The following FAM120AOS variants were observed in gnomAD, a reference collection of about 807,000 sequenced individuals.
FAM120AOS encodes the protein family with sequence similarity 120 member A opposite strand, also known as uncharacterized protein FAM120AOS.
In FAM120AOS, 15 loss-of-function variants were observed where a neutral mutation model predicts 20.2. The ratio of observed to expected loss-of-function variants is 0.74; its 90% CI spans 0.50 to 1.15. FAM120AOS has a LOEUF of 1.15. Among genes scored for constraint, FAM120AOS ranks in the 50% most tolerant of loss-of-function variants. The pLI is 0.00. For synonymous variants in FAM120AOS, 154 were observed against 154.0 expected, an observed-to-expected ratio of 1.00 and a Z score of 0.00; for missense variants, 327 against 351.9, an observed-to-expected ratio of 0.93 and a Z score of 0.57.
rs941132669 is a variant in FAM120AOS at position 93,444,742 on chromosome 9, G to A, written c.*2869C>T. Among the ~76,000 whole-genome samples the A allele has an allele frequency of 6.6e-6, 1 of 151,882 alleles. No individual in the cohort carries two copies. The highest frequency in any genetic ancestry group is 2.4e-5 in the African/African-American group (1 of 41,328). On this transcript the variant is annotated 3_prime_UTR_variant, in exon 3 of 3. Transcript: ENST00000375412. The stretch of plus-strand genomic sequence containing the variant: ...GGATTCTTCTGCCTCAGCCTCCCTA[G>A]TAGCTGGGATTACAGGCATGTGCCA...
In FAM120AOS at chr9:93,452,006, C is replaced by A; in HGVS notation, c.563+141G>T. 6.4e-7 allele frequency: 1 copy of A among 1,554,280 alleles called. No individual in the cohort carries two copies. Among genetic ancestry groups the A allele is most frequent in the South Asian group, 1.2e-5 (1 of 85,148 alleles). On this transcript the variant is annotated intron_variant, in intron 1 of 2. Transcript: ENST00000375412. This position sits in a 1 kb window ranked among gnomAD's most constrained non-coding sequence, Gnocchi z 7.0. ...GCTGCAGAAGCTGGCCCGGGGCAGC[C>A]TGGTGGGCGGCGGGCGGCAGCGGCC...
rs1378420777 is a variant in FAM120AOS at position 93,446,466 on chromosome 9, T to A, written c.*1145A>T. ...TAAAATGGCTTTATACTTACGGGAA[T>A]TCCTAATTAAAAAAAAAACTCACTT... is the stretch of plus-strand genomic sequence containing the variant. On this transcript the variant is annotated 3_prime_UTR_variant, in exon 3 of 3. Coordinates refer to ENST00000375412, the MANE Select transcript of FAM120AOS (RefSeq NM_198841.4). 6.6e-6 allele frequency: 1 copy of A among 151,984 alleles called. No homozygotes were observed. Among genetic ancestry groups the A allele is most frequent in the Non-Finnish European group, 1.5e-5 (1 of 68,014 alleles). 9.4% of individuals were successfully genotyped at this position (151,984 alleles called of 1,614,324 possible).
rs1241175272 is a variant in FAM120AOS at position 93,444,051 on chromosome 9, G to GT, written c.*3559dup. On this transcript the variant is annotated 3_prime_UTR_variant, in exon 3 of 3. Coordinates refer to ENST00000375412, the MANE Select transcript of FAM120AOS (RefSeq NM_198841.4). ...AATTTTTTTGTTTGTTTTTGTTTTT[G>GT]TTTTTTGAGACGGAGTTTTGCTCTT... 6.6e-5 allele frequency among the ~76,000 whole-genome samples: 10 copies of GT among 150,970 alleles called. No homozygotes were observed. Among genetic ancestry groups the GT allele is most frequent in the Admixed American group, 5.9e-4 (9 of 15,180 alleles).
At chr9:93,451,393 G>A in intron 1 of FAM120AOS, 7 of 1,389,326 alleles carry the variant, frequency 5.0e-6, no homozygotes, top group Non-Finnish European at 5.6e-6. Flanking sequence ...CTCTGGCCCT[G>A]CCGGGAACAG....
chr9:93,453,170 A>T lies in FAM120AOS; in HGVS notation c.-461T>A. The stretch of plus-strand genomic sequence containing the variant: ...GTCGCTCAAAATCAGGGGGCGAACT[A>T]CGCGGGCGTGAACTCGCAGGATTTA... On this transcript the variant is annotated 5_prime_UTR_variant, in exon 1 of 3. Coordinates refer to ENST00000375412, the MANE Select transcript of FAM120AOS (RefSeq NM_198841.4). 3.0e-6 allele frequency: 3 copies of T among 1,001,860 alleles called. No individual in the cohort carries two copies. The highest frequency in any genetic ancestry group is 3.6e-6 in the Non-Finnish European group (3 of 841,112). 62.1% of individuals were successfully genotyped at this position (1,001,860 alleles called of 1,614,324 possible).
chr9:93,449,436 C>T (rs1055320902), intron 2 of FAM120AOS, among the ~76,000 whole-genome samples: 6 of 149,840 alleles, frequency 4.0e-5, no homozygotes, highest in Non-Finnish European at 8.9e-5. Context: ...TAGACCTCTA[C>T]AATATAATAA....
At position 93,445,583 on chromosome 9, in the gene FAM120AOS, GTT is replaced by G. The variant is rs71364380; in HGVS notation, c.*2026_*2027del. Among the ~76,000 whole-genome samples the G allele has an allele frequency of 2.2e-4, 18 of 80,094 alleles. No individual in the cohort carries two copies. Among genetic ancestry groups the G allele is most frequent in the South Asian group, 1.4e-3 (3 of 2,124 alleles). The allele number at this position is 80,094 out of a possible 152,430, so 52.5% of individuals were successfully genotyped here. A position where few individuals can be genotyped will look rare whatever the true frequency, so the allele number is the denominator to read the frequency against. On this transcript the variant is annotated 3_prime_UTR_variant, in exon 3 of 3. Transcript: ENST00000375412. Reference sequence around the variant, plus strand: ...TTCTCCAACTTTCATAAAAATCGTTGTTTTTTTTTTTTTTTTTTTTTTTTGAG... The same window carrying G: ...TTCTCCAACTTTCATAAAAATCGTTGTTTTTTTTTTTTTTTTTTTTTTGAG...
In FAM120AOS at chr9:93,453,356, G is replaced by A. The variant is rs1350758446; in HGVS notation, c.-647C>T. 1 of 985,578 alleles carries A rather than the reference G, an allele frequency of 1.0e-6. No individual in the cohort carries two copies. The highest frequency in any genetic ancestry group is 1.2e-6 in the Non-Finnish European group (1 of 830,006). 61.1% of individuals were successfully genotyped at this position (985,578 alleles called of 1,614,324 possible). A position where few individuals can be genotyped will look rare whatever the true frequency, so the allele number is the denominator to read the frequency against. On this transcript the variant is annotated 5_prime_UTR_variant, in exon 1 of 3. Transcript: ENST00000375412. ...TTCAGGACCCAGCAGTGACTGTGAAGATAAGCACATCCATGATCCTGGACT... is the reference window on the plus strand; with the variant it reads ...TTCAGGACCCAGCAGTGACTGTGAAAATAAGCACATCCATGATCCTGGACT...
Position 93,443,452 on chromosome 9 carries a change from C to T in FAM120AOS, c.*4159G>A, listed in dbSNP as rs1479501031. On this transcript the variant is annotated 3_prime_UTR_variant, in exon 3 of 3. Coordinates refer to ENST00000375412, the MANE Select transcript of FAM120AOS (RefSeq NM_198841.4). ...AATTTTACCCATTAATGATTATGAA[C>T]AGCACATGGCAGTTTCAGGTTGGAA... is the stretch of plus-strand genomic sequence containing the variant. 6.6e-6 allele frequency among the ~76,000 whole-genome samples: 1 copy of T among 152,216 alleles called. No individual in the cohort carries two copies. The highest frequency in any genetic ancestry group is 2.4e-5 in the African/African-American group (1 of 41,458).
intron 1 of FAM120AOS, chr9:93,451,838 C>T (rs1356101983): frequency 1.0e-6 from 1 of 966,664 alleles, no homozygotes; most frequent in African/African-American, 1.8e-5. Flanking sequence ...CCCGCCAGCC[C>T]GCCCGCGCGC....
rs1209114768 is a variant in FAM120AOS at position 93,445,260 on chromosome 9, A to G, written c.*2351T>C. Reference sequence around the variant, plus strand: ...CTCAGGTTTCTTTCTCAGAAATTGTATATATTCATCCCTGAAAGGTCTGAG... The same window carrying G: ...CTCAGGTTTCTTTCTCAGAAATTGTGTATATTCATCCCTGAAAGGTCTGAG... On this transcript the variant is annotated 3_prime_UTR_variant, in exon 3 of 3. Coordinates refer to ENST00000375412, the MANE Select transcript of FAM120AOS (RefSeq NM_198841.4). Among the ~76,000 whole-genome samples, 1 of 151,668 alleles carries G rather than the reference A, an allele frequency of 6.6e-6. No homozygotes were observed. The highest frequency in any genetic ancestry group is 1.9e-4 in the East Asian group (1 of 5,190).
In FAM120AOS at chr9:93,453,028, T is replaced by C; in HGVS notation, c.-319A>G. ...AGAATCTTTCTATGGCTTTTTGTGT[T>C]AGATTTCAAAGACCCGTGCACTTTG... On this transcript the variant is annotated 5_prime_UTR_variant, in exon 1 of 3. Coordinates refer to ENST00000375412, the MANE Select transcript of FAM120AOS (RefSeq NM_198841.4). 1 of 1,161,550 alleles carries C rather than the reference T, an allele frequency of 8.6e-7. No individual in the cohort carries two copies. Among genetic ancestry groups the C allele is most frequent in the Non-Finnish European group, 1.1e-6 (1 of 939,928 alleles). The allele number at this position is 1,161,550 out of a possible 1,614,324, so 72.0% of individuals were successfully genotyped here. A position where few individuals can be genotyped will look rare whatever the true frequency, so the allele number is the denominator to read the frequency against.
At chr9:93,449,733 G>C (rs947812147) in intron 2 of FAM120AOS, among the ~76,000 whole-genome samples, 2 of 151,886 alleles carry the variant, frequency 1.3e-5, no homozygotes, top group African/African-American at 4.8e-5. Flanking sequence ...TGATCTGCCC[G>C]CCTCGGCCTC....
chr9:93,451,375 G>A, intron 1 of FAM120AOS: 4 of 1,413,498 alleles, frequency 2.8e-6, no homozygotes, highest in Non-Finnish European at 3.7e-6. Flanking sequence ...GGGCGGAGGC[G>A]GCGGCCTCTC....
Position 93,445,174 on chromosome 9 carries a change from C to CCAAA in FAM120AOS, c.*2433_*2436dup, listed in dbSNP as rs1326904974. Among the ~76,000 whole-genome samples the CCAAA allele has an allele frequency of 6.6e-6, 1 of 151,980 alleles. No homozygotes were observed. Among genetic ancestry groups the CCAAA allele is most frequent in the Non-Finnish European group, 1.5e-5 (1 of 68,002 alleles). Reference sequence around the variant, plus strand: ...CTAGGACAGGGTACAGTAAGTCTTACCAAACATGTAAGACATGTTATTTGG... The same window carrying CCAAA: ...CTAGGACAGGGTACAGTAAGTCTTACCAAACAAACATGTAAGACATGTTATTTGG... On this transcript the variant is annotated 3_prime_UTR_variant, in exon 3 of 3. Coordinates refer to ENST00000375412, the MANE Select transcript of FAM120AOS (RefSeq NM_198841.4).
At chr9:93,451,864 C>G in intron 1 of FAM120AOS, 1 of 1,062,104 alleles carries the variant, frequency 9.4e-7, no homozygotes, top group Non-Finnish European at 1.1e-6. Flanking sequence ...CCCCACCACC[C>G]CCGGCCCCGC....
intron 1 of FAM120AOS, chr9:93,451,693 C>T: frequency 1.0e-6 from 1 of 985,084 alleles, no homozygotes; most frequent in Non-Finnish European, 1.2e-6. Flanking sequence ...GCCTCGGCCT[C>T]GCAGCGGCGG....
chr9:93,446,597 A>AAT lies in FAM120AOS; in HGVS notation c.*1012_*1013dup, dbSNP rs1363675247. 1.3e-5 allele frequency: 2 copies of AAT among 152,200 alleles called. No homozygotes were observed. The highest frequency in any genetic ancestry group is 4.8e-5 in the African/African-American group (2 of 41,442). 9.4% of individuals were successfully genotyped at this position (152,200 alleles called of 1,614,324 possible). A position where few individuals can be genotyped will look rare whatever the true frequency, so the allele number is the denominator to read the frequency against. On this transcript the variant is annotated 3_prime_UTR_variant, in exon 3 of 3. Transcript: ENST00000375412. ...TATAAACTTTTAGCCCTTAAGAGAG[A>AAT]ATATATATACTCAACTGAGTACTGT...
Position 93,451,111 on chromosome 9 carries a change from G to T in FAM120AOS, c.564-512C>A. 2.6e-6 allele frequency: 4 copies of T among 1,550,562 alleles called. No individual in the cohort carries two copies. In the African/African-American group the frequency reaches 5.5e-5, roughly 21 times the overall value. On this transcript the variant is annotated intron_variant, in intron 1 of 2. Coordinates refer to ENST00000375412, the MANE Select transcript of FAM120AOS (RefSeq NM_198841.4). ...ACCTGCCGCGGAACTGCATTCTCGC[G>T]CTCCTTCCTGCTCTTTCCAAGAAGC...
Sources: gnomAD v4.1 joint callset for allele counts (sites outside exome capture counted in the v4.1 genomes callset) on GRCh38, gnomAD v4.1.1 for gene constraint, Gnocchi (gnomAD v3.1) non-coding constraint, MANE v1.5 for transcripts, NCBI Gene and HGNC (gene_info 2026-07-23, HGNC 2026-07-21) for gene names.